The following AXIN1 variants were observed in gnomAD, a reference collection of about 807,000 sequenced individuals.
The protein encoded by AXIN1 is axin 1.
Under a neutral mutation model 76.4 loss-of-function variants are expected in AXIN1, and 30 were observed. The observed-to-expected ratio is 0.39, with a 90% CI of 0.29 to 0.53. AXIN1 has a LOEUF of 0.53. AXIN1 is among the 20% of genes least tolerant of loss of function. The pLI, the probability that AXIN1 is intolerant of heterozygous loss-of-function variation, is 0.66. For missense variants in AXIN1, 1,140 were observed against 1,198.8 expected, an observed-to-expected ratio of 0.95 and a Z score of 0.72; for synonymous variants, 545 against 501.4, an observed-to-expected ratio of 1.09 and a Z score of -1.16.
chr16:342,625 A>T (rs1202000579), intron 2 of AXIN1, among the ~76,000 whole-genome samples: 1 of 152,216 alleles, frequency 6.6e-6, no homozygotes, highest in Non-Finnish European at 1.5e-5. Flanking sequence ...CCTGCTGCAC[A>T]GCCCCCAGCG....
chr16:319,634 G>T (rs2053393703), intron 2 of AXIN1, among the ~76,000 whole-genome samples: 1 of 152,180 alleles, frequency 6.6e-6, no homozygotes, highest in African/African-American at 2.4e-5. Context: ...GGTGGAGAAA[G>T]GTGCTCCTCC....
chr16:310,199 G>A, intron 3 of AXIN1, 130 bp from the exon 4 acceptor site: 1 of 765,986 alleles, frequency 1.3e-6, no homozygotes, highest in Non-Finnish European at 2.3e-6. Context: ...CACCACCACT[G>A]AGACACGTGC....
intron 4 of AXIN1, among the ~76,000 whole-genome samples, chr16:305,509 T>C (rs897295939): frequency 2.6e-5 from 4 of 152,134 alleles, no homozygotes; most frequent in East Asian, 3.9e-4. Context: ...ATGTATTTTA[T>C]AGTAATATAC....
At chr16:321,910 G>T (rs1343530782) in intron 2 of AXIN1, among the ~76,000 whole-genome samples, 1 of 152,222 alleles carries the variant, frequency 6.6e-6, no homozygotes, top group Non-Finnish European at 1.5e-5. Context: ...AGTTGAAAAG[G>T]CCTAAGTGGA....
intron 2 of AXIN1, among the ~76,000 whole-genome samples, chr16:316,145 C>T (rs916163182): frequency 5.3e-5 from 8 of 152,228 alleles, no homozygotes; most frequent in Non-Finnish European, 1.2e-4. Flanking sequence ...CTTCCTTATT[C>T]CAGAATTACA....
chr16:337,853 C>T (rs940966967), intron 2 of AXIN1, among the ~76,000 whole-genome samples: 6 of 152,232 alleles, frequency 3.9e-5, no homozygotes, highest in Admixed American at 2.6e-4. Flanking sequence ...CCTCTGGGGG[C>T]CCCCTGGACG....
chr16:337,737 G>A (rs556000717), intron 2 of AXIN1, among the ~76,000 whole-genome samples: 1 of 152,352 alleles, frequency 6.6e-6, no homozygotes, highest in South Asian at 2.1e-4. Context: ...GGCCGAGGCT[G>A]CAATCCACAC....
At chr16:335,363 A>T (rs1025695115) in intron 2 of AXIN1, among the ~76,000 whole-genome samples, 1 of 152,164 alleles carries the variant, frequency 6.6e-6, no homozygotes, top group Non-Finnish European at 1.5e-5. Context: ...CACAGCACAC[A>T]GTACCACAGC....
At position 293,527 on chromosome 16, in the gene AXIN1, T is replaced by C. The variant is rs1354628768; in HGVS notation, c.2147A>G (p.Glu716Gly). ...QLEEARRRLE[E>G]EEKRASRAPS... The stretch of plus-strand genomic sequence containing the variant: ...TGCTCGGCTGGCTCTCTTTTCTTCC[T>C]CCTCCAGACGTCGGCGCGCCTCCTC... Residue 716 changes from glutamate to glycine, a missense_variant, in exon 8 of 11, where the codon GAG becomes GGG. Around this residue, in one of 3 missense-constraint regions of AXIN1, gnomAD observed 429 missense variants for 405.8 expected, o/e 1.06. Transcript: ENST00000262320. This position sits in a 1 kb window ranked among gnomAD's most constrained non-coding sequence, Gnocchi z 4.6. 1 of 1,610,618 alleles carries C rather than the reference T, an allele frequency of 6.2e-7. No individual in the cohort carries two copies. The highest frequency in any genetic ancestry group is 8.5e-7 in the Non-Finnish European group (1 of 1,179,920).
intron 5 of AXIN1, chr16:299,046 C>T (rs1198728711): frequency 2.0e-6 from 2 of 983,684 alleles, no homozygotes; most frequent in Admixed American, 6.2e-5. Flanking sequence ...GGATGACAGG[C>T]ATGAGCCGCC....
chr16:314,569 G>A lies in AXIN1; in HGVS notation c.993C>T (p.Asp331=), dbSNP rs2141592728. ...CGCTGCTGTCCGTGAGGGACAGGGTGTCTGCATCGCTGGACAGGCTCTGCT... is the reference window on the plus strand; with the variant it reads ...CGCTGCTGTCCGTGAGGGACAGGGTATCTGCATCGCTGGACAGGCTCTGCT... ...SEQQSLSSDA[D]TLSLTDSSVD... The change falls in exon 3 of 11, where the codon GAC becomes GAT. Residue 331 remains aspartate, a synonymous_variant. Coordinates refer to ENST00000262320, the MANE Select transcript of AXIN1 (RefSeq NM_003502.4). 1.9e-6 allele frequency: 3 copies of A among 1,613,916 alleles called. No homozygotes were observed. The highest frequency in any genetic ancestry group is 2.5e-6 in the Non-Finnish European group (3 of 1,179,928).
At chr16:304,263 C>T (rs757011094) in intron 5 of AXIN1, 41 bp downstream of exon 5, 13 of 1,600,344 alleles carry the variant, frequency 8.1e-6, no homozygotes, top group Admixed American at 5.0e-5. Flanking sequence ...GAAAACAGCA[C>T]GACACCGACG....
intron 2 of AXIN1, among the ~76,000 whole-genome samples, chr16:330,800 A>G (rs1367500256): frequency 6.6e-6 from 1 of 152,240 alleles, no homozygotes; most frequent in Non-Finnish European, 1.5e-5. Flanking sequence ...CTGGAGCAGA[A>G]GCCCCCAGGA....
intron 2 of AXIN1, among the ~76,000 whole-genome samples, chr16:326,392 T>C (rs113637297): frequency 9.8e-5 from 11 of 111,890 alleles, no homozygotes; most frequent in Admixed American, 5.1e-4. Flanking sequence ...TATATATATA[T>C]ATACACACCT....
rs201394580 is a variant in AXIN1, at chr16:304,298, A to G, written c.1254+6T>C. ...GCGGAGCGCGACACCGACGCGGCCCACTCACCATGCGCACGCGCTTCAGCC... is the reference window on the plus strand; with the variant it reads ...GCGGAGCGCGACACCGACGCGGCCCGCTCACCATGCGCACGCGCTTCAGCC... On this transcript the variant is annotated splice_donor_region_variant and intron_variant, in intron 5 of 10. Transcript: ENST00000262320. 124 of 1,610,556 alleles carry G rather than the reference A, an allele frequency of 7.7e-5. No individual in the cohort carries two copies. Among genetic ancestry groups the G allele is most frequent in the Non-Finnish European group, 9.0e-5 (106 of 1,179,196 alleles).
chr16:306,028 C>T (rs1490485934), intron 4 of AXIN1, among the ~76,000 whole-genome samples: 2 of 152,230 alleles, frequency 1.3e-5, no homozygotes, highest in Non-Finnish European at 2.9e-5. Flanking sequence ...AAAAATAGAA[C>T]AAGGAATTCC....
At chr16:337,149 CAAAAAAAAAAAAA>C (rs398028563) in intron 2 of AXIN1, among the ~76,000 whole-genome samples, 5 of 30,572 alleles carry the variant, frequency 1.6e-4, no homozygotes, top group Non-Finnish European at 2.0e-4. Flanking sequence ...GACCCCGTCT[CAAAAAAAAAAAAA>C]AAAAAAAAAA....
At chr16:297,645 T>C (rs2141507167) in intron 6 of AXIN1, 77 bp downstream of exon 6, 1 of 1,466,320 alleles carries the variant, frequency 6.8e-7, no homozygotes, top group East Asian at 2.5e-5. Flanking sequence ...TTCCTGAGTT[T>C]TATGAGGAGG....
chr16:340,492 G>A (rs930569373), intron 2 of AXIN1, among the ~76,000 whole-genome samples: 15 of 152,252 alleles, frequency 9.9e-5, no homozygotes, highest in African/African-American at 3.4e-4. Context: ...GCCACCTGGT[G>A]GGCCAAGCCA....
Sources: gnomAD v4.1 joint callset for allele counts (sites outside exome capture counted in the v4.1 genomes callset) on GRCh38, gnomAD v4.1.1 for gene constraint, gnomAD v4.1.1 regional missense constraint, Gnocchi (gnomAD v3.1) non-coding constraint, MANE v1.5 for transcripts, NCBI Gene and HGNC (gene_info 2026-07-23, HGNC 2026-07-21) for gene names.